The following RANBP17 variants were observed in gnomAD, a reference collection of about 807,000 sequenced individuals.
RANBP17 encodes the protein ran-binding protein 17.
RANBP17 carries 158 observed loss-of-function variants against 141.2 expected under a neutral mutation model. The observed-to-expected ratio is 1.12, with a 90% CI of 0.98 to 1.28. The LOEUF is 1.28. Ranked by LOEUF, RANBP17 falls within the 50% of genes most tolerant of loss-of-function variation. RANBP17 has a pLI of 0.00. For missense variants in RANBP17, 1,438 were observed against 1,290.7 expected, an observed-to-expected ratio of 1.11 and a Z score of -1.75; for synonymous variants, 430 against 450.0, an observed-to-expected ratio of 0.96 and a Z score of 0.56.
intron 14 of RANBP17, among the ~76,000 whole-genome samples, chr5:171,043,864 C>T (rs942516985): frequency 1.3e-5 from 2 of 152,110 alleles, no homozygotes; most frequent in African/African-American, 4.8e-5. Flanking sequence ...GAGATTTAAA[C>T]TCAGATTGGT....
chr5:171,095,655 C>T (rs1352871186), intron 14 of RANBP17, among the ~76,000 whole-genome samples: 1 of 152,068 alleles, frequency 6.6e-6, no homozygotes, highest in Non-Finnish European at 1.5e-5. Flanking sequence ...TTCTTCAGTA[C>T]AAAATGGACA....
chr5:170,881,936 A>G, intron 3 of RANBP17, 40 bp downstream of exon 3: 1 of 1,357,712 alleles, frequency 7.4e-7, no homozygotes, highest in South Asian at 1.3e-5. Flanking sequence ...CTGCGCTTTA[A>G]AAATCTTTTT....
At chr5:171,159,259 A>G (rs1759122751) in intron 14 of RANBP17, among the ~76,000 whole-genome samples, 1 of 152,168 alleles carries the variant, frequency 6.6e-6, no homozygotes, top group African/African-American at 2.4e-5. Flanking sequence ...TCCAGGAATG[A>G]TCAGTTTCAG....
At chr5:171,145,201 A>G (rs1237346409) in intron 14 of RANBP17, among the ~76,000 whole-genome samples, 1 of 152,146 alleles carries the variant, frequency 6.6e-6, no homozygotes, top group Admixed American at 6.5e-5. Context: ...GTGGTTCCTA[A>G]GAAACCTAAA....
At chr5:171,270,412 G>C (rs1462305949) in intron 25 of RANBP17, among the ~76,000 whole-genome samples, 1 of 152,104 alleles carries the variant, frequency 6.6e-6, no homozygotes, top group African/African-American at 2.4e-5. Context: ...AATGAAGGTG[G>C]AAAATTCTCC....
intron 14 of RANBP17, among the ~76,000 whole-genome samples, chr5:171,046,249 G>A (rs1394620943): frequency 7.0e-6 from 1 of 143,552 alleles, no homozygotes; most frequent in Non-Finnish European, 1.5e-5. Flanking sequence ...TCTGTCACCA[G>A]GCTGGAATGA....
intron 22 of RANBP17, among the ~76,000 whole-genome samples, chr5:171,224,224 T>C (rs1763752906): frequency 6.6e-6 from 1 of 152,226 alleles, no homozygotes; most frequent in Non-Finnish European, 1.5e-5. Context: ...TAGTTTTTAT[T>C]TCCTCTCTTA....
At chr5:171,171,729 A>G (rs1049675809) in intron 16 of RANBP17, among the ~76,000 whole-genome samples, 1 of 151,988 alleles carries the variant, frequency 6.6e-6, no homozygotes, top group Non-Finnish European at 1.5e-5. Context: ...AATATTCTTC[A>G]GTTGAAAAGA....
At chr5:170,863,354 C>T (rs1766977242) in intron 1 of RANBP17, 1 of 152,252 alleles carries the variant, frequency 6.6e-6, no homozygotes, top group South Asian at 2.1e-4. Context: ...CTAAGAATCT[C>T]ATTCCCCTTG....
At chr5:171,050,763 CA>C (rs1435722213) in intron 14 of RANBP17, among the ~76,000 whole-genome samples, 2 of 152,102 alleles carry the variant, frequency 1.3e-5, no homozygotes, top group African/African-American at 4.8e-5. Context: ...TCTTTCACTC[CA>C]GATAGTCCAA....
intron 14 of RANBP17, among the ~76,000 whole-genome samples, chr5:171,160,125 T>A (rs1759231971): frequency 6.6e-6 from 1 of 152,098 alleles, no homozygotes; most frequent in African/African-American, 2.4e-5. Context: ...TCTGGCAATA[T>A]AGGTGATGCA....
Position 170,911,170 on chromosome 5 carries a change from TA to T in RANBP17, c.760+39del, listed in dbSNP as rs778477253. ...ACTTTGGTATGAAGGGTCATCAACA[TA>T]AAGGCACAGTATTAAGCAATATAGT... On this transcript the variant is annotated intron_variant, in intron 7 of 27. Coordinates refer to ENST00000523189, the MANE Select transcript of RANBP17 (RefSeq NM_022897.5). 1.3e-5 allele frequency: 20 copies of T among 1,579,130 alleles called. No homozygotes were observed. The Middle Eastern group carries it at 2.0e-3, about 159-fold the overall frequency.
intron 1 of RANBP17, among the ~76,000 whole-genome samples, 191 bp downstream of exon 1, chr5:170,862,242 C>G (rs1169687320): frequency 6.6e-6 from 1 of 151,700 alleles, no homozygotes; most frequent in Non-Finnish European, 1.5e-5. Flanking sequence ...ACCCCAGGCC[C>G]GGGCCGGAGC....
At chr5:171,059,223 C>A (rs1466587703) in intron 14 of RANBP17, among the ~76,000 whole-genome samples, 6 of 152,146 alleles carry the variant, frequency 3.9e-5, no homozygotes, top group South Asian at 4.2e-4. Flanking sequence ...GTGTTTTAGA[C>A]ATGAAGTCCT....
At chr5:170,985,315 T>C (rs1372526589) in intron 14 of RANBP17, among the ~76,000 whole-genome samples, 1 of 152,120 alleles carries the variant, frequency 6.6e-6, no homozygotes, top group African/African-American at 2.4e-5. Flanking sequence ...TTCCAAAAAT[T>C]AATAAATACG....
At chr5:170,908,886 G>A (rs1771295467) in intron 5 of RANBP17, among the ~76,000 whole-genome samples, 1 of 151,766 alleles carries the variant, frequency 6.6e-6, no homozygotes, top group Non-Finnish European at 1.5e-5. Context: ...CAAGGAAAAT[G>A]GTTTATTTTC....
intron 14 of RANBP17, among the ~76,000 whole-genome samples, chr5:171,108,084 T>C (rs974321434): frequency 5.9e-5 from 9 of 152,238 alleles, no homozygotes; most frequent in Non-Finnish European, 1.3e-4. Flanking sequence ...TTATTGGTGA[T>C]AGATATTATA....
intron 14 of RANBP17, among the ~76,000 whole-genome samples, chr5:171,075,945 T>A (rs996798284): frequency 6.6e-6 from 1 of 151,862 alleles, no homozygotes; most frequent in Non-Finnish European, 1.5e-5. Flanking sequence ...AGAGTGAGAC[T>A]TGTGAAAAAA....
At chr5:171,000,113 A>G (rs1779098399) in intron 14 of RANBP17, among the ~76,000 whole-genome samples, 1 of 152,160 alleles carries the variant, frequency 6.6e-6, no homozygotes, top group South Asian at 2.1e-4. Flanking sequence ...TTGTATATGT[A>G]TATCACATTT....
Sources: allele counts gnomAD v4.1 joint callset (sites outside exome capture counted in the v4.1 genomes callset), GRCh38; gene constraint gnomAD v4.1.1; transcripts MANE v1.5; gene names NCBI Gene and HGNC (gene_info 2026-07-23, HGNC 2026-07-21).